The following CADPS variants were observed in gnomAD, a reference collection of about 807,000 sequenced individuals.
CADPS encodes the protein calcium-dependent secretion activator 1.
Under a neutral mutation model 167.3 loss-of-function variants are expected in CADPS, and 57 were observed. The observed-to-expected ratio is 0.34, with a 90% CI of 0.28 to 0.42. CADPS has a LOEUF of 0.42. Among genes scored for constraint, CADPS ranks in the 20% least tolerant of loss-of-function variants. CADPS has a pLI of 1.00. For synonymous variants in CADPS, 676 were observed against 635.3 expected, an observed-to-expected ratio of 1.06 and a Z score of -0.96; for missense variants, 1,414 against 1,738.1, an observed-to-expected ratio of 0.81 and a Z score of 3.32.
intron 10 of CADPS, chr3:62,550,940 T>C (rs2077225732): frequency 2.2e-6 from 1 of 456,824 alleles, no homozygotes; most frequent in Non-Finnish European, 4.4e-6. Flanking sequence ...TCCTGGCTGC[T>C]GCTCCTTAGT....
intron 1 of CADPS, among the ~76,000 whole-genome samples, chr3:62,835,397 A>G (rs1196403502): frequency 1.3e-5 from 2 of 152,220 alleles, no homozygotes; most frequent in Admixed American, 1.3e-4. Context: ...CCAGGTATTC[A>G]TATAATCTTC....
intron 1 of CADPS, among the ~76,000 whole-genome samples, chr3:62,787,198 G>A (rs1053814873): frequency 2.0e-5 from 3 of 152,050 alleles, no homozygotes; most frequent in African/African-American, 4.8e-5. Context: ...GGGAGGCTGA[G>A]GCAGGAGGAT....
chr3:62,404,387 T>A (rs1171810230), intron 28 of CADPS: 1 of 152,632 alleles, frequency 6.6e-6, no homozygotes, highest in Non-Finnish European at 1.5e-5. Flanking sequence ...CCACCCTTTC[T>A]CACCTAAAGA....
intron 3 of CADPS, among the ~76,000 whole-genome samples, chr3:62,713,253 C>T (rs887514181): frequency 6.6e-6 from 1 of 152,088 alleles, no homozygotes; most frequent in African/African-American, 2.4e-5. Flanking sequence ...TGGTAAAGGA[C>T]TACCATTTCT....
At chr3:62,502,081 A>G (rs922799443) in intron 17 of CADPS, among the ~76,000 whole-genome samples, 1 of 152,208 alleles carries the variant, frequency 6.6e-6, no homozygotes, top group Non-Finnish European at 1.5e-5. Flanking sequence ...ATTTACTATT[A>G]ATTAGCTGTG....
At chr3:62,587,100 G>A (rs1029823702) in intron 7 of CADPS, among the ~76,000 whole-genome samples, 43 of 152,214 alleles carry the variant, frequency 2.8e-4, no homozygotes, top group African/African-American at 1.0e-3. Context: ...GTGACAGAGT[G>A]TTTGCCAGTA....
In CADPS at chr3:62,420,827, C is replaced by T. The variant is rs899547310; in HGVS notation, c.3777+17277G>A. Among the ~76,000 whole-genome samples, 5 of 151,504 alleles carry T rather than the reference C, an allele frequency of 3.3e-5. No homozygotes were observed. The highest frequency in any genetic ancestry group is 4.9e-5 in the African/African-American group (2 of 41,210). ...TCTTTCTACTTCTCACTGCATATGA[C>T]TCTATTTTTTTTCTCTTTATGGGAG... is the stretch of plus-strand genomic sequence containing the variant. On this transcript the variant is annotated intron_variant, in intron 28 of 29. Coordinates refer to ENST00000383710, the MANE Select transcript of CADPS (RefSeq NM_003716.4). The surrounding 1 kb of genome is among the most constrained non-coding windows in gnomAD (Gnocchi z 4.1).
intron 1 of CADPS, among the ~76,000 whole-genome samples, chr3:62,871,489 G>A (rs908169785): frequency 2.0e-5 from 3 of 151,928 alleles, no homozygotes; most frequent in Admixed American, 1.3e-4. Flanking sequence ...AGGATTCTAG[G>A]GCTCTTTTTA....
At chr3:62,702,057 T>A (rs964684421) in intron 3 of CADPS, among the ~76,000 whole-genome samples, 1 of 152,098 alleles carries the variant, frequency 6.6e-6, no homozygotes, top group African/African-American at 2.4e-5. Context: ...CTGCTTCTTT[T>A]ATCCTGCAAC....
Position 62,663,079 on chromosome 3 carries a change from T to C in CADPS, c.889-685A>G, listed in dbSNP as rs574700862. ...TCTAAAGAAAAAGGGGTCAGTTATG[T>C]AGTCTTCATCCCTTTTACAAATTTC... On this transcript the variant is annotated intron_variant, in intron 3 of 29. Coordinates refer to ENST00000383710, the MANE Select transcript of CADPS (RefSeq NM_003716.4). 1.8e-3 allele frequency among the ~76,000 whole-genome samples: 269 copies of C among 152,332 alleles called. 2 individuals are homozygous for C. The highest frequency in any genetic ancestry group is 2.3e-3 in the Non-Finnish European group (158 of 68,034).
chr3:62,829,807 A>T (rs1449199640), intron 1 of CADPS, among the ~76,000 whole-genome samples: 1 of 152,188 alleles, frequency 6.6e-6, no homozygotes, highest in Non-Finnish European at 1.5e-5. Flanking sequence ...GCCAAAAAAT[A>T]GTTCCTACTG....
At chr3:62,582,530 G>C (rs1312564697) in intron 8 of CADPS, among the ~76,000 whole-genome samples, 3 of 151,912 alleles carry the variant, frequency 2.0e-5, no homozygotes, top group Admixed American at 1.3e-4. Context: ...TACACAACTG[G>C]GCTCAGTAAA....
intron 2 of CADPS, among the ~76,000 whole-genome samples, chr3:62,760,558 AC>A (rs1479040277): frequency 2.6e-5 from 4 of 151,994 alleles, no homozygotes; most frequent in Non-Finnish European, 5.9e-5. Context: ...GGCCTTGGAC[AC>A]TAAACTCATC....
chr3:62,702,728 A>G (rs1241348948), intron 3 of CADPS, among the ~76,000 whole-genome samples: 4 of 152,154 alleles, frequency 2.6e-5, no homozygotes, highest in South Asian at 2.1e-4. Context: ...ACACATGACT[A>G]TGGAACAGTT....
intron 2 of CADPS, among the ~76,000 whole-genome samples, chr3:62,763,606 A>C (rs2086107040): frequency 6.6e-6 from 1 of 152,192 alleles, no homozygotes; most frequent in African/African-American, 2.4e-5. Context: ...TGGGTACAGG[A>C]AGAGACATCA....
intron 3 of CADPS, among the ~76,000 whole-genome samples, chr3:62,668,477 T>A (rs1184810103): frequency 1.3e-5 from 2 of 152,190 alleles, no homozygotes; most frequent in Admixed American, 1.3e-4. Context: ...CTGTTCCTCA[T>A]GCCTGGAGCA....
chr3:62,747,340 C>T (rs978594531), intron 3 of CADPS, among the ~76,000 whole-genome samples: 5 of 152,182 alleles, frequency 3.3e-5, no homozygotes, highest in Non-Finnish European at 7.3e-5. Flanking sequence ...AGCAAATGTT[C>T]AGTCAACAGA....
intron 3 of CADPS, among the ~76,000 whole-genome samples, chr3:62,666,349 C>A (rs1220467568): frequency 6.6e-6 from 1 of 152,276 alleles, no homozygotes; most frequent in Middle Eastern, 3.4e-3. Context: ...GACAGCTCCA[C>A]TCTATGAAAT....
intron 21 of CADPS, among the ~76,000 whole-genome samples, chr3:62,487,677 C>T (rs2063050854): frequency 6.6e-6 from 1 of 152,192 alleles, no homozygotes; most frequent in Non-Finnish European, 1.5e-5. Context: ...GAAAGGCTGC[C>T]ATAGGACTCA....
Sources: gnomAD v4.1 joint callset for allele counts (sites outside exome capture counted in the v4.1 genomes callset) on GRCh38, gnomAD v4.1.1 for gene constraint, Gnocchi (gnomAD v3.1) non-coding constraint, MANE v1.5 for transcripts, NCBI Gene and HGNC (gene_info 2026-07-23, HGNC 2026-07-21) for gene names.